Variants in TBC1D14 observed in about 807,000 individuals in gnomAD.
The protein encoded by TBC1D14 is TBC1 domain family, member 14.
A neutral mutation model predicts 79.0 loss-of-function variants in TBC1D14; 26 were observed. That is an observed-to-expected ratio of 0.33 (90% CI 0.24 to 0.46). TBC1D14 has a LOEUF of 0.46. Ranked by LOEUF, TBC1D14 falls within the 20% of genes least tolerant of loss-of-function variation. TBC1D14 has a pLI of 1.00. For missense variants in TBC1D14, 769 were observed against 887.6 expected (o/e 0.87, Z 1.70); for synonymous variants, 394 against 349.9 (o/e 1.13, Z -1.40).
At chr4:6,944,292 G>A (rs1052876481) in intron 2 of TBC1D14, among the ~76,000 whole-genome samples, 43 of 152,148 alleles carry the variant, frequency 2.8e-4, no homozygotes, top group African/African-American at 9.4e-4. Flanking sequence ...ATTAAAACGT[G>A]TTCGTATGCT....
chr4:7,001,047 G>T (rs73799050), intron 6 of TBC1D14, 98 bp from the exon 7 acceptor site: 19 of 927,452 alleles, frequency 2.0e-5, no homozygotes, highest in African/African-American at 8.1e-5. Context: ...CTGATGCAAC[G>T]GTGCATCCCA....
chr4:6,987,580 G>C lies in TBC1D14; in HGVS notation c.844-6604G>C, dbSNP rs1577126427. On this transcript the variant is annotated intron_variant, in intron 3 of 13. Transcript: ENST00000409757. ...CTCCTCCCTGGTACTCTTTGTGTCTGTGTTTCCACGTATTTTCTTCTGGTT... is the reference window on the plus strand; with the variant it reads ...CTCCTCCCTGGTACTCTTTGTGTCTCTGTTTCCACGTATTTTCTTCTGGTT... The C allele has an allele frequency of 2.0e-5, 8 of 402,280 alleles. No homozygotes were observed. In the East Asian group the frequency reaches 2.9e-4, roughly 14 times the overall value. 24.9% of individuals were successfully genotyped at this position (402,280 alleles called of 1,614,324 possible).
At chr4:6,924,456 A>T (rs975522939) in intron 2 of TBC1D14, among the ~76,000 whole-genome samples, 14 of 152,130 alleles carry the variant, frequency 9.2e-5, no homozygotes, top group Non-Finnish European at 1.5e-4. Context: ...GGCCAAGCAG[A>T]GGGCACTGGT....
At chr4:7,015,451 T>C (rs942558794) in intron 12 of TBC1D14, among the ~76,000 whole-genome samples, 1 of 152,098 alleles carries the variant, frequency 6.6e-6, no homozygotes, top group Non-Finnish European at 1.5e-5. Context: ...TGGATTTGAC[T>C]TCAGATGGGT....
chr4:6,937,991 C>T (rs900924805), intron 2 of TBC1D14, among the ~76,000 whole-genome samples: 3 of 152,106 alleles, frequency 2.0e-5, no homozygotes, highest in African/African-American at 7.2e-5. Context: ...GAGCCTGGTC[C>T]AGGAGTGTTG....
At chr4:6,955,044 A>G (rs1228326932) in intron 2 of TBC1D14, among the ~76,000 whole-genome samples, 1 of 152,266 alleles carries the variant, frequency 6.6e-6, no homozygotes, top group Non-Finnish European at 1.5e-5. Flanking sequence ...TCATGGTAAT[A>G]GAACCTCACT....
At chr4:6,933,889 C>T (rs543879977) in intron 2 of TBC1D14, among the ~76,000 whole-genome samples, 39 of 152,250 alleles carry the variant, frequency 2.6e-4, no homozygotes, top group African/African-American at 7.7e-4. Context: ...GTGATGATGG[C>T]TTCACCTGGG....
rs1331786910 is a variant in TBC1D14, at chr4:6,920,181, A to G, written c.-17-3192A>G. ...TATTTCTGAATTCTGCATTTCATTTAATTCCTTCACATTTCTATTTTTGAC... is the reference window on the plus strand; with the variant it reads ...TATTTCTGAATTCTGCATTTCATTTGATTCCTTCACATTTCTATTTTTGAC... On this transcript the variant is annotated intron_variant, in intron 1 of 13. Coordinates refer to ENST00000409757, the MANE Select transcript of TBC1D14 (RefSeq NM_020773.3). Among the ~76,000 whole-genome samples, 3 of 151,894 alleles carry G rather than the reference A, an allele frequency of 2.0e-5. No homozygotes were observed. In the East Asian group the frequency reaches 5.8e-4, roughly 29 times the overall value.
At chr4:7,006,877 CTT>C (rs896300301) in intron 9 of TBC1D14, 151 bp downstream of exon 9, 3 of 598,928 alleles carry the variant, frequency 5.0e-6, no homozygotes, top group Admixed American at 3.3e-5. Flanking sequence ...TACATTTAGA[CTT>C]TTTAAAATAA....
At chr4:6,917,411 C>G (rs1233571794) in intron 1 of TBC1D14, among the ~76,000 whole-genome samples, 1 of 152,074 alleles carries the variant, frequency 6.6e-6, no homozygotes. Flanking sequence ...AAAAGGAGCC[C>G]AGGAGGAAGG....
At chr4:6,977,861 G>A (rs1414202952) in intron 3 of TBC1D14, among the ~76,000 whole-genome samples, 4 of 142,144 alleles carry the variant, frequency 2.8e-5, no homozygotes, top group Non-Finnish European at 4.6e-5. Context: ...GCCGCCCATC[G>A]TCTGAGATGT....
chr4:6,930,891 CT>C (rs1223088988), intron 2 of TBC1D14, among the ~76,000 whole-genome samples: 1 of 151,644 alleles, frequency 6.6e-6, no homozygotes, highest in Non-Finnish European at 1.5e-5. Flanking sequence ...TCTGGGTCTT[CT>C]TTTTTATTTA....
At chr4:6,922,087 C>G (rs768592255) in intron 1 of TBC1D14, among the ~76,000 whole-genome samples, 24 of 152,178 alleles carry the variant, frequency 1.6e-4, no homozygotes, top group African/African-American at 5.3e-4. Context: ...GTGTCTTTCT[C>G]TGTTACCCAG....
chr4:6,990,858 G>A (rs933417218), intron 3 of TBC1D14, among the ~76,000 whole-genome samples: 8 of 152,210 alleles, frequency 5.3e-5, no homozygotes, highest in African/African-American at 1.9e-4. Flanking sequence ...TCCCTTGCTA[G>A]CCCGACCTTA....
intron 13 of TBC1D14, among the ~76,000 whole-genome samples, chr4:7,029,145 C>G (rs552092663): frequency 6.6e-6 from 1 of 152,338 alleles, no homozygotes; most frequent in East Asian, 1.9e-4. Flanking sequence ...CAGCCATGAG[C>G]TTTTTCAAAA....
chr4:7,001,542 G>A, intron 7 of TBC1D14: 1 of 340,944 alleles, frequency 2.9e-6, no homozygotes, highest in Non-Finnish European at 5.5e-6. Flanking sequence ...GTCCTAGGAA[G>A]GCAAGCCTTG....
At chr4:6,930,789 C>T (rs561987053) in intron 2 of TBC1D14, among the ~76,000 whole-genome samples, 13 of 108,526 alleles carry the variant, frequency 1.2e-4, no homozygotes, top group Admixed American at 9.8e-4. Flanking sequence ...CAGAGTGAGA[C>T]TCCATCTCCA....
At chr4:6,958,362 G>C (rs890154073) in intron 2 of TBC1D14, among the ~76,000 whole-genome samples, 1 of 108,632 alleles carries the variant, frequency 9.2e-6, no homozygotes, top group Non-Finnish European at 1.8e-5. Flanking sequence ...GGTGATACAC[G>C]TGATCCCCAC....
At chr4:7,010,030 T>C (rs1720594955) in intron 10 of TBC1D14, 82 bp downstream of exon 10, 1 of 1,508,330 alleles carries the variant, frequency 6.6e-7, no homozygotes, top group Non-Finnish European at 9.2e-7. Flanking sequence ...TAGCTGCAAA[T>C]GTCATGCCAG....
Sources: gnomAD v4.1 joint callset for allele counts (sites outside exome capture counted in the v4.1 genomes callset) on GRCh38, gnomAD v4.1.1 for gene constraint, MANE v1.5 for transcripts, NCBI Gene and HGNC (gene_info 2026-07-23, HGNC 2026-07-21) for gene names.